PLCG2: variants seen among roughly 807,000 people sequenced by gnomAD.
The protein encoded by PLCG2 is 1-phosphatidylinositol 4,5-bisphosphate phosphodiesterase gamma-2.
PLCG2 carries 69 observed loss-of-function variants against 175.6 expected under a neutral mutation model. That is an observed-to-expected ratio of 0.39 (90% CI 0.32 to 0.48). The LOEUF is 0.48. Ranked by LOEUF, PLCG2 falls within the 20% of genes least tolerant of loss-of-function variation. PLCG2 has a pLI of 0.91. For missense variants in PLCG2, 1,798 were observed against 1,650.9 expected (o/e 1.09, Z -1.54); for synonymous variants, 827 against 624.0 (o/e 1.33, Z -4.85).
At chr16:81,763,807 A>C (rs1317865497) in intron 2 of PLCG2, among the ~76,000 whole-genome samples, 3 of 151,186 alleles carry the variant, frequency 2.0e-5, no homozygotes, top group African/African-American at 7.3e-5. Flanking sequence ...TCTCTACTAA[A>C]AATAGAAAAA....
chr16:81,866,803 C>T (rs1301946023), intron 5 of PLCG2, among the ~76,000 whole-genome samples: 10 of 152,238 alleles, frequency 6.6e-5, no homozygotes, highest in South Asian at 4.1e-4. Flanking sequence ...CCTCTCCCCA[C>T]GACCCCTCTC....
chr16:81,938,957 C>A, intron 29 of PLCG2, 42 bp downstream of exon 29: 1 of 1,130,070 alleles, frequency 8.8e-7, no homozygotes, highest in Non-Finnish European at 1.3e-6. Context: ...AAACGTCCGG[C>A]CAGTGAATCC....
chr16:81,783,803 A>G (rs951206810), intron 1 of PLCG2, among the ~76,000 whole-genome samples: 1 of 151,262 alleles, frequency 6.6e-6, no homozygotes, highest in Admixed American at 6.6e-5. Flanking sequence ...TCTCCTGATA[A>G]GGTAAGATGC....
intron 13 of PLCG2, among the ~76,000 whole-genome samples, chr16:81,899,289 T>TACACACACACACAC (rs111338797): frequency 3.2e-5 from 3 of 92,412 alleles, no homozygotes; most frequent in African/African-American, 1.1e-4. Flanking sequence ...TATATATATA[T>TACACACACACACAC]ACACACACAC....
chr16:81,766,754 TG>T (rs1394529830), intron 2 of PLCG2: 1 of 152,222 alleles, frequency 6.6e-6, no homozygotes, highest in African/African-American at 2.4e-5. Flanking sequence ...ACACAGCAAG[TG>T]TTCAGTATTG....
intron 2 of PLCG2, among the ~76,000 whole-genome samples, chr16:81,834,327 C>G (rs1014338955): frequency 1.3e-5 from 2 of 152,134 alleles, no homozygotes; most frequent in Non-Finnish European, 2.9e-5. Context: ...GCTCGGTGTT[C>G]TGCTGGCTGC....
At chr16:81,913,761 C>G (rs1303590774) in intron 19 of PLCG2, among the ~76,000 whole-genome samples, 1 of 152,230 alleles carries the variant, frequency 6.6e-6, no homozygotes, top group Non-Finnish European at 1.5e-5. Context: ...CCCCTGTCCA[C>G]TCCTCTCCCC....
At chr16:81,807,578 T>A (rs56226199) in intron 2 of PLCG2, among the ~76,000 whole-genome samples, 25,490 of 152,186 alleles carry the variant, frequency 0.17, 2,271 homozygotes, top group Non-Finnish European at 0.21. Context: ...TTCCCTGTAT[T>A]ATTGCTTACT....
chr16:81,872,011 T>TCAGGTCTG (rs1907540277), intron 7 of PLCG2, among the ~76,000 whole-genome samples: 1 of 152,078 alleles, frequency 6.6e-6, no homozygotes, highest in Non-Finnish European at 1.5e-5. Flanking sequence ...ACATCAGGAG[T>TCAGGTCTG]CAGGTCTGCT....
chr16:81,931,478 C>T lies in PLCG2; in HGVS notation c.2582-19C>T, dbSNP rs1367598745. On this transcript the variant is annotated intron_variant, in intron 24 of 32. Transcript: ENST00000564138. ...CTCTAATAGGCTGATTGGGACATTT[C>T]TTATTCTCTTACCCCAAGTGAAAGC... is the stretch of plus-strand genomic sequence containing the variant. The T allele has an allele frequency of 1.9e-6, 3 of 1,612,172 alleles. No individual in the cohort carries two copies. Among genetic ancestry groups the T allele is most frequent in the African/African-American group, 1.3e-5 (1 of 74,834 alleles).
At chr16:81,896,015 C>T (rs1908870173) in intron 13 of PLCG2, 88 bp downstream of exon 13, 3 of 1,487,288 alleles carry the variant, frequency 2.0e-6, no homozygotes, top group Non-Finnish European at 2.8e-6. Flanking sequence ...CAAACACACA[C>T]AGACACCTCC....
chr16:81,889,377 T>C (rs1908525230), intron 10 of PLCG2, 104 bp downstream of exon 10: 4 of 695,588 alleles, frequency 5.8e-6, no homozygotes, highest in Non-Finnish European at 7.9e-6. Context: ...AACTTTGCTG[T>C]ATGATGTTGC....
At position 81,958,028 on chromosome 16, in the gene PLCG2, G is replaced by A. The variant is rs774094130; in HGVS notation, c.*30G>A. On this transcript the variant is annotated 3_prime_UTR_variant, in exon 33 of 33. Transcript: ENST00000564138. ...TGGGGTATGTGTGTAAGGGTATTGT[G>A]TGTGTGCGCATGTGTGTTTGCATGT... 1.3e-6 allele frequency: 2 copies of A among 1,524,736 alleles called. No homozygotes were observed. The highest frequency in any genetic ancestry group is 2.2e-5 in the East Asian group (1 of 44,448). 94.5% of individuals were successfully genotyped at this position (1,524,736 alleles called of 1,614,324 possible). A position where few individuals can be genotyped will look rare whatever the true frequency, so the allele number is the denominator to read the frequency against.
chr16:81,791,810 C>G (rs551024662), intron 2 of PLCG2, among the ~76,000 whole-genome samples: 423 of 152,268 alleles, frequency 2.8e-3, no homozygotes, highest in African/African-American at 9.8e-3. Flanking sequence ...CGTGATCTGC[C>G]CACCCTGGCC....
chr16:81,831,088 G>T (rs1325293292), intron 2 of PLCG2, among the ~76,000 whole-genome samples: 2 of 152,036 alleles, frequency 1.3e-5, no homozygotes, highest in Non-Finnish European at 2.9e-5. Flanking sequence ...CTCTGGGGAG[G>T]CCTCCCTGAT....
At chr16:81,777,175 A>G (rs1469838512), upstream of PLCG2, among the ~76,000 whole-genome samples, 1 of 152,152 alleles carries the variant, frequency 6.6e-6, no homozygotes, top group East Asian at 1.9e-4. Flanking sequence ...CCCACAGATG[A>G]GAGAAAAATC....
At chr16:81,874,391 C>G (rs963344508) in intron 7 of PLCG2, among the ~76,000 whole-genome samples, 2 of 152,204 alleles carry the variant, frequency 1.3e-5, no homozygotes, top group Non-Finnish European at 2.9e-5. Flanking sequence ...AGTTTGGTCA[C>G]TGCATTTTAA....
intron 3 of PLCG2, among the ~76,000 whole-genome samples, chr16:81,856,513 C>G (rs972608437): frequency 6.6e-6 from 1 of 152,226 alleles, no homozygotes; most frequent in Non-Finnish European, 1.5e-5. Context: ...TTAGCAAGCT[C>G]TACTTGCTGT....
intron 2 of PLCG2, among the ~76,000 whole-genome samples, chr16:81,769,597 G>A (rs1353343661): frequency 6.6e-6 from 1 of 151,976 alleles, no homozygotes; most frequent in South Asian, 2.1e-4. Flanking sequence ...GGCGGATCAC[G>A]AGGTCAGGAG....
Sources: allele counts gnomAD v4.1 joint callset (sites outside exome capture counted in the v4.1 genomes callset), GRCh38; gene constraint gnomAD v4.1.1; transcripts MANE v1.5; gene names NCBI Gene and HGNC (gene_info 2026-07-23, HGNC 2026-07-21).